FOXN3: variants seen among roughly 807,000 people sequenced by gnomAD.
FOXN3 encodes the protein forkhead box N3.
Under a neutral mutation model 38.4 loss-of-function variants are expected in FOXN3, and 7 were observed. That is an observed-to-expected ratio of 0.18 (90% CI 0.10 to 0.34). FOXN3 has a LOEUF of 0.34. Ranked by LOEUF, FOXN3 falls within the 10% of genes least tolerant of loss-of-function variation. The probability of loss-of-function intolerance (pLI) is 1.00; values close to 1 mark genes in which losing one functional copy is unlikely to be tolerated. For missense variants in FOXN3, 456 were observed against 613.4 expected, an observed-to-expected ratio of 0.74 and a Z score of 2.71; for synonymous variants, 230 against 242.2, an observed-to-expected ratio of 0.95 and a Z score of 0.47.
chr14:89,523,749 T>C (rs1212475507), intron 1 of FOXN3, among the ~76,000 whole-genome samples: 1 of 145,344 alleles, frequency 6.9e-6, no homozygotes, highest in Admixed American at 6.8e-5. Context: ...CTTAAATAAA[T>C]TGAATTTCTT....
chr14:89,559,668 C>T (rs1371793434), intron 1 of FOXN3, among the ~76,000 whole-genome samples: 1 of 151,668 alleles, frequency 6.6e-6, no homozygotes, highest in East Asian at 1.9e-4. Flanking sequence ...AAGCAAGATT[C>T]CATCTTTAAA....
At chr14:89,379,827 A>T (rs1890587953) in intron 2 of FOXN3, among the ~76,000 whole-genome samples, 1 of 151,630 alleles carries the variant, frequency 6.6e-6, no homozygotes, top group South Asian at 2.1e-4. Context: ...TGTCTAGCTA[A>T]TTTTTTTATT....
intron 2 of FOXN3, among the ~76,000 whole-genome samples, chr14:89,366,239 C>T (rs1326200098): frequency 2.0e-5 from 3 of 146,804 alleles, no homozygotes; most frequent in East Asian, 2.0e-4. Flanking sequence ...GGCGACAGAG[C>T]GAGACTCCGT....
At chr14:89,304,944 TAAAAAAAAA>T (rs200830937) in intron 3 of FOXN3, among the ~76,000 whole-genome samples, 1 of 133,610 alleles carries the variant, frequency 7.5e-6, no homozygotes, top group Non-Finnish European at 1.6e-5. Flanking sequence ...TGTAGTTTCT[TAAAAAAAAA>T]AAAAAAAAAA....
intron 1 of FOXN3, among the ~76,000 whole-genome samples, chr14:89,595,526 T>A (rs1421537278): frequency 6.6e-6 from 1 of 152,210 alleles, no homozygotes; most frequent in Admixed American, 6.5e-5. Flanking sequence ...TACAATTTAC[T>A]TTTTTCATAT....
intron 4 of FOXN3, among the ~76,000 whole-genome samples, chr14:89,206,291 T>G (rs1465724884): frequency 1.3e-5 from 2 of 152,202 alleles, no homozygotes; most frequent in Admixed American, 6.5e-5. Flanking sequence ...CAGGGACACA[T>G]GCTTTTAAAG....
intron 1 of FOXN3, among the ~76,000 whole-genome samples, chr14:89,534,395 C>T (rs1894640278): frequency 6.6e-6 from 1 of 152,110 alleles, no homozygotes; most frequent in Non-Finnish European, 1.5e-5. Context: ...AGCCAGCATG[C>T]CTGGCCCTGT....
In FOXN3 at chr14:89,160,287, C is replaced by A. The variant is rs939945975; in HGVS notation, c.*2127G>T. ...CAACAGGAGTTTCTGGGCTGCATGA[C>A]GTTGTCTGGTTTCTAAATTCAGCTC... is the stretch of plus-strand genomic sequence containing the variant. On this transcript the variant is annotated 3_prime_UTR_variant, in exon 6 of 6. Coordinates refer to ENST00000557258, the MANE Select transcript of FOXN3 (RefSeq NM_005197.4). 7.1e-6 allele frequency: 1 copy of A among 140,848 alleles called. No individual in the cohort carries two copies. Among genetic ancestry groups the A allele is most frequent in the African/African-American group, 2.7e-5 (1 of 37,590 alleles). 8.7% of individuals were successfully genotyped at this position (140,848 alleles called of 1,614,324 possible). A position where few individuals can be genotyped will look rare whatever the true frequency, so the allele number is the denominator to read the frequency against.
At chr14:89,511,111 A>T in intron 1 of FOXN3, among the ~76,000 whole-genome samples, 3 of 147,738 alleles carry the variant, frequency 2.0e-5, no homozygotes, top group Non-Finnish European at 4.5e-5. Flanking sequence ...ATCTCAAAAG[A>T]CCTGCTTGGT....
chr14:89,587,539 T>A (rs1895864934), intron 1 of FOXN3, among the ~76,000 whole-genome samples: 2 of 151,994 alleles, frequency 1.3e-5, no homozygotes, highest in South Asian at 4.1e-4. Flanking sequence ...TAAACCACTG[T>A]GTGGGAGAAG....
chr14:89,594,149 T>A (rs1348426827), intron 1 of FOXN3, among the ~76,000 whole-genome samples: 1 of 152,250 alleles, frequency 6.6e-6, no homozygotes, highest in Non-Finnish European at 1.5e-5. Context: ...TGAGCTTTTA[T>A]CAATAATGCT....
intron 4 of FOXN3, among the ~76,000 whole-genome samples, chr14:89,204,398 G>T (rs907529595): frequency 2.0e-5 from 3 of 152,068 alleles, no homozygotes; most frequent in Admixed American, 2.0e-4. Flanking sequence ...CATGGGCACC[G>T]AGCTCTGTCC....
At position 89,164,856 on chromosome 14, in the gene FOXN3, T is replaced by A. The variant is rs1436402141; in HGVS notation, c.852-1887A>T. On this transcript the variant is annotated intron_variant, in intron 5 of 5. Transcript: ENST00000557258. This position sits in a 1 kb window ranked among gnomAD's most constrained non-coding sequence, Gnocchi z 4.3. ...GAGGCTCAGGGAGACTTCAGCTGCA[T>A]CCCACATAGAAAGTGAAAGGGGAAG... Among the ~76,000 whole-genome samples the A allele has an allele frequency of 6.6e-6, 1 of 151,988 alleles. No individual in the cohort carries two copies. The highest frequency in any genetic ancestry group is 1.5e-5 in the Non-Finnish European group (1 of 68,004).
At chr14:89,487,033 C>T (rs904732312) in intron 1 of FOXN3, among the ~76,000 whole-genome samples, 15 of 152,148 alleles carry the variant, frequency 9.9e-5, no homozygotes, top group African/African-American at 3.6e-4. Context: ...ATCAGAGCAC[C>T]CACAAGCGCT....
chr14:89,304,822 G>A (rs1013588212), intron 3 of FOXN3, among the ~76,000 whole-genome samples: 8 of 151,902 alleles, frequency 5.3e-5, no homozygotes, highest in Middle Eastern at 3.4e-3. Flanking sequence ...AATACACACC[G>A]AAGTGCCTGG....
intron 2 of FOXN3, among the ~76,000 whole-genome samples, chr14:89,375,144 T>C (rs1890438734): frequency 6.6e-6 from 1 of 152,176 alleles, no homozygotes; most frequent in Non-Finnish European, 1.5e-5. Flanking sequence ...GAAGGAAAAC[T>C]TTTCATGATG....
intron 1 of FOXN3, among the ~76,000 whole-genome samples, chr14:89,514,165 A>G (rs932852213): frequency 3.3e-5 from 5 of 152,176 alleles, no homozygotes; most frequent in African/African-American, 1.2e-4. Flanking sequence ...GTGGTGAGGG[A>G]GAAGGAGGAT....
chr14:89,399,684 T>TA (rs1891196155), intron 2 of FOXN3, among the ~76,000 whole-genome samples: 1 of 152,210 alleles, frequency 6.6e-6, no homozygotes, highest in Non-Finnish European at 1.5e-5. Context: ...ATTACAGCTG[T>TA]AAGCCCTTCC....
intron 3 of FOXN3, among the ~76,000 whole-genome samples, chr14:89,319,103 T>C (rs1887826933): frequency 3.3e-5 from 5 of 152,138 alleles, no homozygotes; most frequent in Admixed American, 3.3e-4. Context: ...AAGACAATTC[T>C]GAGTTGCTGA....
Sources: gnomAD v4.1 joint callset for allele counts (sites outside exome capture counted in the v4.1 genomes callset) on GRCh38, gnomAD v4.1.1 for gene constraint, Gnocchi (gnomAD v3.1) non-coding constraint, MANE v1.5 for transcripts, NCBI Gene and HGNC (gene_info 2026-07-23, HGNC 2026-07-21) for gene names.